PHAX: variants seen among roughly 807,000 people sequenced by gnomAD.
PHAX encodes phosphorylated adaptor for RNA export.
In PHAX, 31 loss-of-function variants were observed where a neutral mutation model predicts 41.6. The observed-to-expected ratio is 0.75, with a 90% CI of 0.56 to 1.01. The LOEUF is 1.01. Among genes scored for constraint, PHAX ranks in the 50% least tolerant of loss-of-function variants. The pLI is 0.00. For missense variants in PHAX, 453 were observed against 472.9 expected (o/e 0.96, Z 0.39); for synonymous variants, 175 against 164.9 (o/e 1.06, Z -0.47).
At chr5:126,601,406 C>T (rs533228922) in intron 1 of PHAX, among the ~76,000 whole-genome samples, 1 of 152,340 alleles carries the variant, frequency 6.6e-6, no homozygotes, top group South Asian at 2.1e-4. Flanking sequence ...CCTCCGCCTA[C>T]CGCTCTTTCT....
chr5:126,608,023 A>G (rs901150268), intron 2 of PHAX, among the ~76,000 whole-genome samples: 1 of 152,206 alleles, frequency 6.6e-6, no homozygotes. Context: ...AATTGAAAGT[A>G]TATATGTCTG....
In PHAX at chr5:126,621,738, GA is replaced by G. The variant is rs1005228627; in HGVS notation, c.916-2827del. On this transcript the variant is annotated intron_variant, in intron 4 of 4. Transcript: ENST00000297540. ...TAAAACTTTATTTGCTTTGTTCAAA[GA>G]AAAAAAAAAGCTCAGCTAAAACACT... Among the ~76,000 whole-genome samples the G allele has an allele frequency of 7.4e-3, 1,077 of 145,078 alleles. 11 individuals are homozygous for G. The highest frequency in any genetic ancestry group is 0.026 in the African/African-American group (1,037 of 39,696).
intron 1 of PHAX, among the ~76,000 whole-genome samples, chr5:126,602,483 C>G (rs1286965391): frequency 1.3e-5 from 2 of 152,198 alleles, no homozygotes; most frequent in Admixed American, 1.3e-4. Context: ...GCAGTAATGC[C>G]TGGTAAGTGT....
chr5:126,608,325 C>T (rs578077930), intron 2 of PHAX, 39 bp from the exon 3 acceptor site: 8 of 1,590,582 alleles, frequency 5.0e-6, no homozygotes, highest in African/African-American at 1.3e-5. Flanking sequence ...CAACTTTGTA[C>T]AACAAACAAA....
intron 2 of PHAX, 91 bp downstream of exon 2, chr5:126,604,274 CTTT>C (rs57270218): frequency 0.018 from 11,562 of 634,244 alleles, no homozygotes; most frequent in South Asian, 0.027. Flanking sequence ...TGATATGTTC[CTTT>C]TTTTTTTTTT....
At chr5:126,601,284 A>G (rs1450110243) in intron 1 of PHAX, among the ~76,000 whole-genome samples, 2 of 151,948 alleles carry the variant, frequency 1.3e-5, no homozygotes, top group Non-Finnish European at 2.9e-5. Flanking sequence ...CGACGGCGGC[A>G]GCGGCAGCGG....
rs1335120593 is a variant in PHAX, at chr5:126,625,891, T to G, written c.*1047T>G. The G allele has an allele frequency of 6.6e-6, 1 of 152,048 alleles. No individual in the cohort carries two copies. Among genetic ancestry groups the G allele is most frequent in the Non-Finnish European group, 1.5e-5 (1 of 68,046 alleles). 9.4% of individuals were successfully genotyped at this position (152,048 alleles called of 1,614,324 possible). On this transcript the variant is annotated 3_prime_UTR_variant, in exon 5 of 5. Coordinates refer to ENST00000297540, the MANE Select transcript of PHAX (RefSeq NM_032177.4). Reference sequence around the variant, plus strand: ...GATTTTTGTATTTTTAGTAAAGACTTTCGCCATGTTGTCCAGGCTGGTCTC... The same window carrying G: ...GATTTTTGTATTTTTAGTAAAGACTGTCGCCATGTTGTCCAGGCTGGTCTC...
chr5:126,609,151 A>G (rs1752040051), intron 3 of PHAX, among the ~76,000 whole-genome samples: 1 of 122,922 alleles, frequency 8.1e-6, no homozygotes, highest in Admixed American at 1.1e-4. Flanking sequence ...CCCAGACTGG[A>G]GTGCAGTGGC....
intron 2 of PHAX, among the ~76,000 whole-genome samples, chr5:126,604,876 A>T (rs1457567527): frequency 6.6e-6 from 1 of 152,096 alleles, no homozygotes; most frequent in Non-Finnish European, 1.5e-5. Flanking sequence ...TCTACTAAAA[A>T]TACAAAAATT....
chr5:126,602,878 G>T (rs1020017099), intron 1 of PHAX, among the ~76,000 whole-genome samples: 1 of 151,916 alleles, frequency 6.6e-6, no homozygotes, highest in East Asian at 1.9e-4. Context: ...GGTGGCGGGC[G>T]CCTGTAGTCC....
In PHAX at chr5:126,600,974, G is replaced by A; in HGVS notation, c.12G>A (p.Glu4=). The change falls in exon 1 of 5, where the codon GAG becomes GAA. Residue 4 remains glutamate (E), a synonymous_variant. Transcript: ENST00000297540. The part of the protein sequence containing the change: MAL[E]VGDMEDGQLS... Reference sequence around the variant, plus strand: ...CGCACCGCGGGAAGATGGCGTTGGAGGTCGGCGATATGGAAGATGGGCAGC... The same window carrying A: ...CGCACCGCGGGAAGATGGCGTTGGAAGTCGGCGATATGGAAGATGGGCAGC... The A allele has an allele frequency of 1.2e-6, 2 of 1,604,194 alleles. No homozygotes were observed. The highest frequency in any genetic ancestry group is 1.7e-6 in the Non-Finnish European group (2 of 1,175,422).
chr5:126,608,884 C>T (rs1466310187), intron 3 of PHAX, among the ~76,000 whole-genome samples: 1 of 150,816 alleles, frequency 6.6e-6, no homozygotes, highest in East Asian at 2.0e-4. Flanking sequence ...TTTCAGTGAG[C>T]TGAGATCGCA....
intron 2 of PHAX, among the ~76,000 whole-genome samples, chr5:126,605,613 A>T (rs1181608969): frequency 6.6e-6 from 1 of 151,172 alleles, no homozygotes; most frequent in Non-Finnish European, 1.5e-5. Flanking sequence ...GGCCGGACTG[A>T]TCTCGATCTC....
At chr5:126,617,146 A>G (rs1752198290) in intron 3 of PHAX, 104 bp from the exon 4 acceptor site, 1 of 585,862 alleles carries the variant, frequency 1.7e-6, no homozygotes, top group Admixed American at 3.3e-5. Context: ...TGGACTTCAG[A>G]TCTGGTATTT....
At chr5:126,617,537 G>A (rs972526607) in intron 4 of PHAX, among the ~76,000 whole-genome samples, 1 of 152,064 alleles carries the variant, frequency 6.6e-6, no homozygotes, top group Admixed American at 6.6e-5. Flanking sequence ...GGAGTGTAGT[G>A]GCATGATCTC....
chr5:126,624,493 AATG>A, intron 4 of PHAX, 79 bp from the exon 5 acceptor site: 1 of 1,067,878 alleles, frequency 9.4e-7, no homozygotes, highest in Non-Finnish European at 1.4e-6. Flanking sequence ...AAATGGAGAT[AATG>A]ATTTTAAAGG....
intron 2 of PHAX, among the ~76,000 whole-genome samples, chr5:126,604,421 C>T (rs1177752078): frequency 1.3e-5 from 2 of 151,708 alleles, no homozygotes; most frequent in African/African-American, 2.4e-5. Context: ...TGCACCCCCA[C>T]GCCCAGCTAT....
intron 4 of PHAX, among the ~76,000 whole-genome samples, chr5:126,619,139 C>G (rs1415296976): frequency 2.0e-5 from 3 of 152,130 alleles, no homozygotes; most frequent in Non-Finnish European, 4.4e-5. Context: ...GTTGGCCAGG[C>G]TGGTCTCCAA....
At chr5:126,611,419 GTTC>G (rs1561680668) in intron 3 of PHAX, among the ~76,000 whole-genome samples, 2 of 152,160 alleles carry the variant, frequency 1.3e-5, no homozygotes, top group Non-Finnish European at 2.9e-5. Context: ...GCCAGGCACT[GTTC>G]TAGAGGAGGG....
Sources: allele counts gnomAD v4.1 joint callset (sites outside exome capture counted in the v4.1 genomes callset), GRCh38; gene constraint gnomAD v4.1.1; transcripts MANE v1.5; gene names NCBI Gene and HGNC (gene_info 2026-07-23, HGNC 2026-07-21).